The following ANO3 variants were observed in gnomAD, a reference collection of about 807,000 sequenced individuals.
The protein encoded by ANO3 is anoctamin-3.
A neutral mutation model predicts 144.8 loss-of-function variants in ANO3; 99 were observed. The observed-to-expected ratio is 0.68, with a 90% CI of 0.58 to 0.81. The LOEUF (loss-of-function observed/expected upper bound fraction) is 0.81, where lower values mean the gene tolerates loss of function less well. Among genes scored for constraint, ANO3 ranks in the 30% least tolerant of loss-of-function variants. The pLI, the probability that ANO3 is intolerant of heterozygous loss-of-function variation, is 0.00. For missense variants in ANO3, 905 were observed against 1,202.2 expected (o/e 0.75, Z 3.66); for synonymous variants, 414 against 392.6 (o/e 1.05, Z -0.64).
chr11:26,313,325 A>G (rs1019867009), intron 1 of ANO3, among the ~76,000 whole-genome samples: 1 of 152,208 alleles, frequency 6.6e-6, no homozygotes, highest in African/African-American at 2.4e-5. Context: ...ATTCAAAATT[A>G]GAAGAATCAA....
At chr11:26,328,633 G>T (rs113778128), upstream of ANO3, among the ~76,000 whole-genome samples, 1 of 152,250 alleles carries the variant, frequency 6.6e-6, no homozygotes, top group East Asian at 1.9e-4. Context: ...ATGTTAGCAG[G>T]GGGGCTGCAA....
At chr11:26,658,979 A>G (rs2133103019) in intron 26 of ANO3, among the ~76,000 whole-genome samples, 1 of 152,100 alleles carries the variant, frequency 6.6e-6, no homozygotes, top group Admixed American at 6.6e-5. Flanking sequence ...TGAGAAATTG[A>G]AATATCTACT....
intron 21 of ANO3, 109 bp downstream of exon 21, chr11:26,639,350 G>A: frequency 1.3e-6 from 1 of 741,530 alleles, no homozygotes; most frequent in Non-Finnish European, 2.4e-6. Flanking sequence ...ACAAATGATG[G>A]CTCAATTCCT....
chr11:26,269,695 A>T (rs117408329), intron 1 of ANO3, among the ~76,000 whole-genome samples: 1,608 of 152,196 alleles, frequency 0.011, 15 homozygotes, highest in Non-Finnish European at 0.016. Context: ...ACACCTTGGG[A>T]GGTGTGATCC....
At chr11:26,421,065 G>C (rs1381174) in intron 1 of ANO3, among the ~76,000 whole-genome samples, 53,595 of 151,808 alleles carry the variant, frequency 0.35, 11,071 homozygotes, top group African/African-American at 0.59. Context: ...AGTCCTTTGT[G>C]AGGATTTTCA....
At chr11:26,278,821 GTCT>G (rs1391966636) in intron 1 of ANO3, among the ~76,000 whole-genome samples, 1 of 152,066 alleles carries the variant, frequency 6.6e-6, no homozygotes. Context: ...TTTTGTCTCA[GTCT>G]TCTTCTGAGG....
intron 3 of ANO3, among the ~76,000 whole-genome samples, chr11:26,458,782 G>C (rs2095621743): frequency 6.6e-6 from 1 of 152,028 alleles, no homozygotes; most frequent in South Asian, 2.1e-4. Context: ...TGCACTTATA[G>C]CACTTACAGT....
chr11:26,548,723 T>C (rs947072153), intron 12 of ANO3, among the ~76,000 whole-genome samples: 7 of 152,010 alleles, frequency 4.6e-5, no homozygotes, highest in South Asian at 2.1e-4. Flanking sequence ...AAAAGATAGA[T>C]AGCATGAAAA....
At chr11:26,232,595 C>A (rs895498528) in intron 1 of ANO3, among the ~76,000 whole-genome samples, 1 of 152,074 alleles carries the variant, frequency 6.6e-6, no homozygotes, top group Non-Finnish European at 1.5e-5. Flanking sequence ...AAATCTGAAA[C>A]TGGAACCCTA....
At chr11:26,457,227 A>T (rs1423785381) in intron 3 of ANO3, among the ~76,000 whole-genome samples, 9 of 41,374 alleles carry the variant, frequency 2.2e-4, no homozygotes, top group East Asian at 1.2e-3. Context: ...AGGTATAATT[A>T]AAAAAAGAAA....
At chr11:26,635,157 GTTCAGGGAACTTTATGGA>G (rs1422711862) in intron 20 of ANO3, 87 bp downstream of exon 20, 6 of 1,245,032 alleles carry the variant, frequency 4.8e-6, no homozygotes, top group Non-Finnish European at 5.8e-6. Context: ...GAAAGGAGAA[GTTCAGGGAACTTTATGGA>G]TATTGAAGAC....
intron 1 of ANO3, among the ~76,000 whole-genome samples, chr11:26,321,886 T>C (rs141992612): frequency 6.6e-6 from 1 of 152,182 alleles, no homozygotes; most frequent in Non-Finnish European, 1.5e-5. Flanking sequence ...TTGTGAGAAA[T>C]TTTCTTCTAT....
intron 4 of ANO3, among the ~76,000 whole-genome samples, chr11:26,472,404 A>C (rs1859814581): frequency 6.6e-6 from 1 of 151,876 alleles, no homozygotes; most frequent in Admixed American, 6.6e-5. Context: ...TGTAAGGTCT[A>C]TTTTTACCCC....
chr11:26,278,788 A>T (rs1853614733), intron 1 of ANO3, among the ~76,000 whole-genome samples: 1 of 152,122 alleles, frequency 6.6e-6, no homozygotes, highest in South Asian at 2.1e-4. Flanking sequence ...TGCACATCTT[A>T]AGCACATTAT....
intron 1 of ANO3, among the ~76,000 whole-genome samples, chr11:26,310,891 G>A (rs1201759769): frequency 6.6e-6 from 1 of 152,166 alleles, no homozygotes; most frequent in Non-Finnish European, 1.5e-5. Context: ...CACAGTAAAA[G>A]CCACTTGGGA....
intron 8 of ANO3, among the ~76,000 whole-genome samples, chr11:26,532,531 T>G (rs1565085467): frequency 1.3e-5 from 2 of 152,314 alleles, no homozygotes; most frequent in Non-Finnish European, 2.9e-5. Flanking sequence ...AATTTCTTAT[T>G]ATTTACTATG....
intron 4 of ANO3, among the ~76,000 whole-genome samples, chr11:26,465,899 G>A (rs1402982402): frequency 1.3e-5 from 2 of 151,862 alleles, no homozygotes; most frequent in South Asian, 4.1e-4. Flanking sequence ...GTATTTATGA[G>A]TAACTATAGT....
At chr11:26,310,342 C>G (rs1019050890) in intron 1 of ANO3, among the ~76,000 whole-genome samples, 1 of 152,126 alleles carries the variant, frequency 6.6e-6, no homozygotes. Context: ...TATTGGTTAA[C>G]TGAGTTAATC....
At chr11:26,601,381 T>A (rs1386438364) in intron 17 of ANO3, among the ~76,000 whole-genome samples, 1 of 152,202 alleles carries the variant, frequency 6.6e-6, no homozygotes, top group Non-Finnish European at 1.5e-5. Flanking sequence ...AAATGAGTAC[T>A]CATTATTATG....
Sources: gnomAD v4.1 joint callset for allele counts (sites outside exome capture counted in the v4.1 genomes callset) on GRCh38, gnomAD v4.1.1 for gene constraint, MANE v1.5 for transcripts, NCBI Gene and HGNC (gene_info 2026-07-23, HGNC 2026-07-21) for gene names.